The following XYLT1 variants were observed in gnomAD, a reference collection of about 807,000 sequenced individuals.
The protein encoded by XYLT1 is beta-D-xylosyltransferase 1.
XYLT1 carries 36 observed loss-of-function variants against 91.3 expected under a neutral mutation model. The ratio of observed to expected loss-of-function variants is 0.39; its 90% confidence interval spans 0.30 to 0.52. The LOEUF (loss-of-function observed/expected upper bound fraction) is 0.52. XYLT1 is among the 20% of genes least tolerant of loss of function. XYLT1 has a pLI of 0.68. For synonymous variants in XYLT1, 588 were observed against 532.0 expected (o/e 1.11, Z -1.45); for missense variants, 1,242 against 1,284.5 (o/e 0.97, Z 0.51).
chr16:17,402,657 T>C (rs2141902841), intron 1 of XYLT1, among the ~76,000 whole-genome samples: 1 of 152,208 alleles, frequency 6.6e-6, no homozygotes, highest in South Asian at 2.1e-4. Flanking sequence ...AAGGTGAAAA[T>C]GCCCATCATT....
intron 6 of XYLT1, among the ~76,000 whole-genome samples, chr16:17,142,925 G>T (rs2031024605): frequency 6.6e-6 from 1 of 152,034 alleles, no homozygotes; most frequent in Non-Finnish European, 1.5e-5. Context: ...CATTAAAAAA[G>T]ATATCATTTT....
intron 9 of XYLT1, among the ~76,000 whole-genome samples, 185 bp from the exon 10 acceptor site, chr16:17,128,046 G>T (rs1054388497): frequency 6.6e-6 from 1 of 152,124 alleles, no homozygotes; most frequent in African/African-American, 2.4e-5. Flanking sequence ...TGCTGATTAT[G>T]AATGAAAAAC....
chr16:17,398,491 T>C (rs968568136), intron 1 of XYLT1, among the ~76,000 whole-genome samples: 1 of 152,174 alleles, frequency 6.6e-6, no homozygotes, highest in Non-Finnish European at 1.5e-5. Flanking sequence ...GTGATTTTTT[T>C]CGGGGAGTAG....
intron 9 of XYLT1, among the ~76,000 whole-genome samples, chr16:17,133,205 G>A (rs1208637262): frequency 1.3e-5 from 2 of 151,962 alleles, no homozygotes; most frequent in South Asian, 2.1e-4. Flanking sequence ...AACCTTGCTG[G>A]CCAGGGATGA....
At chr16:17,214,447 T>C (rs1340988755) in intron 3 of XYLT1, among the ~76,000 whole-genome samples, 2 of 152,228 alleles carry the variant, frequency 1.3e-5, no homozygotes, top group African/African-American at 4.8e-5. Context: ...TACAGAGCAG[T>C]AGCTCTGAAC....
At chr16:17,321,517 T>G (rs2034721236) in intron 2 of XYLT1, among the ~76,000 whole-genome samples, 1 of 151,792 alleles carries the variant, frequency 6.6e-6, no homozygotes, top group African/African-American at 2.4e-5. Flanking sequence ...ACCACCACGC[T>G]CTGCTACTTT....
At chr16:17,181,624 C>T (rs1490377059) in intron 5 of XYLT1, among the ~76,000 whole-genome samples, 1 of 152,178 alleles carries the variant, frequency 6.6e-6, no homozygotes, top group Non-Finnish European at 1.5e-5. Context: ...CTGCCCATCT[C>T]TCTCCTACAT....
rs868833520 is a variant in XYLT1 at position 17,207,052 on chromosome 16, C to T, written c.914-6398G>A. ...GAGTCAGGTTGGTTTTCTTTTCTTT[C>T]TTTTTTTTTTTTTTTTTTTTTTGAG... On this transcript the variant is annotated intron_variant, in intron 3 of 11. Transcript: ENST00000261381. Among the ~76,000 whole-genome samples the T allele has an allele frequency of 7.3e-3, 878 of 121,082 alleles. 7 individuals carry two copies. The highest frequency in any genetic ancestry group is 0.04 in the East Asian group (171 of 4,264). The allele number at this position is 121,082 out of a possible 152,430, so 79.4% of individuals were successfully genotyped here.
chr16:17,371,389 T>C (rs2035530211), intron 1 of XYLT1, among the ~76,000 whole-genome samples: 1 of 152,254 alleles, frequency 6.6e-6, no homozygotes, highest in South Asian at 2.1e-4. Context: ...CTGAGAGATG[T>C]ATGCTGAGAA....
intron 11 of XYLT1, among the ~76,000 whole-genome samples, chr16:17,115,407 C>T (rs1178811257): frequency 6.7e-6 from 1 of 150,268 alleles, no homozygotes; most frequent in Non-Finnish European, 1.5e-5. Flanking sequence ...TTACTTGAGC[C>T]CAGGAGCTCG....
Position 17,103,353 on chromosome 16 carries a change from G to A in XYLT1, c.*5342C>T, listed in dbSNP as rs1418881637. The A allele has an allele frequency of 6.6e-6, 1 of 152,616 alleles. No homozygotes were observed. Among genetic ancestry groups the A allele is most frequent in the African/African-American group, 2.4e-5 (1 of 41,438 alleles). 9.5% of individuals were successfully genotyped at this position (152,616 alleles called of 1,614,324 possible). A position where few individuals can be genotyped will look rare whatever the true frequency, so the allele number is the denominator to read the frequency against. On this transcript the variant is annotated 3_prime_UTR_variant, in exon 12 of 12. Coordinates refer to ENST00000261381, the MANE Select transcript of XYLT1 (RefSeq NM_022166.4). ...TTCAGGAGTTGGCTGAGCTTTAGATGAGCACCCAAGCCTTCATTTTGCCCA... is the reference window on the plus strand; with the variant it reads ...TTCAGGAGTTGGCTGAGCTTTAGATAAGCACCCAAGCCTTCATTTTGCCCA...
At chr16:17,297,762 C>A (rs1429716433) in intron 2 of XYLT1, among the ~76,000 whole-genome samples, 2 of 152,126 alleles carry the variant, frequency 1.3e-5, no homozygotes, top group Non-Finnish European at 1.5e-5. Context: ...TGGCTCACGC[C>A]TGTAATCCCA....
At chr16:17,176,320 T>C (rs2031942936) in intron 5 of XYLT1, among the ~76,000 whole-genome samples, 1 of 152,242 alleles carries the variant, frequency 6.6e-6, no homozygotes, top group Admixed American at 6.5e-5. Context: ...TCTCGAGCCC[T>C]TTCTCTGGGT....
At chr16:17,213,704 C>T (rs9938974) in intron 3 of XYLT1, among the ~76,000 whole-genome samples, 39,241 of 151,864 alleles carry the variant, frequency 0.26, 5,424 homozygotes, top group East Asian at 0.37. Flanking sequence ...CTGCAACCTC[C>T]GCCTCCTGGG....
intron 1 of XYLT1, among the ~76,000 whole-genome samples, chr16:17,378,561 G>A (rs568924715): frequency 6.6e-6 from 1 of 152,258 alleles, no homozygotes; most frequent in East Asian, 1.9e-4. Context: ...TAATTTCTAG[G>A]AATATGTTGC....
intron 2 of XYLT1, among the ~76,000 whole-genome samples, chr16:17,321,577 C>T (rs7199142): frequency 0.023 from 3,496 of 151,902 alleles, 135 homozygotes; most frequent in African/African-American, 0.079. Context: ...AGGCTGGTCT[C>T]GAACTCCTGA....
intron 1 of XYLT1, among the ~76,000 whole-genome samples, chr16:17,389,178 C>T (rs1050841291): frequency 1.3e-5 from 2 of 152,180 alleles, no homozygotes; most frequent in Non-Finnish European, 2.9e-5. Flanking sequence ...ATTGTTGATC[C>T]CCAAGAAAGT....
intron 6 of XYLT1, among the ~76,000 whole-genome samples, chr16:17,147,629 T>C (rs576002242): frequency 6.6e-6 from 1 of 152,294 alleles, no homozygotes; most frequent in African/African-American, 2.4e-5. Flanking sequence ...ACCAATTCCC[T>C]AGGTCTCAGA....
At chr16:17,414,630 A>G (rs2036157052) in intron 1 of XYLT1, among the ~76,000 whole-genome samples, 1 of 152,170 alleles carries the variant, frequency 6.6e-6, no homozygotes, top group Non-Finnish European at 1.5e-5. Context: ...TGACACACAT[A>G]ATGAGAAATG....
Sources: allele counts gnomAD v4.1 joint callset (sites outside exome capture counted in the v4.1 genomes callset), GRCh38; gene constraint gnomAD v4.1.1; transcripts MANE v1.5; gene names NCBI Gene and HGNC (gene_info 2026-07-23, HGNC 2026-07-21).